The following SV2C variants were observed in gnomAD, a reference collection of about 807,000 sequenced individuals.
SV2C encodes synaptic vesicle glycoprotein 2C, also known as solute carrier family 22 member B3.
SV2C carries 49 observed loss-of-function variants against 79.7 expected under a neutral mutation model. The observed-to-expected ratio is 0.61, with a 90% CI of 0.49 to 0.78. The LOEUF is 0.78. SV2C is among the 30% of genes least tolerant of loss of function. The pLI is 0.00. For missense variants in SV2C, 833 were observed against 912.9 expected, an observed-to-expected ratio of 0.91 and a Z score of 1.13; for synonymous variants, 334 against 333.2, an observed-to-expected ratio of 1.00 and a Z score of -0.03.
At chr5:76,177,045 G>A (rs1743552745) in intron 2 of SV2C, among the ~76,000 whole-genome samples, 1 of 151,186 alleles carries the variant, frequency 6.6e-6, no homozygotes, top group Non-Finnish European at 1.5e-5. Context: ...AACCCGGGAG[G>A]CAGAGCTTGC....
chr5:76,294,707 C>T (rs1365730079), intron 8 of SV2C, among the ~76,000 whole-genome samples: 1 of 152,126 alleles, frequency 6.6e-6, no homozygotes, highest in African/African-American at 2.4e-5. Context: ...CAGTTTGAAC[C>T]AGCCACATCT....
chr5:76,072,950 T>A, the SV2C span, among the ~76,000 whole-genome samples: 6 of 152,252 alleles, frequency 3.9e-5, no homozygotes, highest in Non-Finnish European at 7.3e-5. Flanking sequence ...CTGTTGGAAT[T>A]TTTTTCTTAC....
chr5:76,079,076 T>C (rs1746935957), upstream of SV2C: 2 of 391,574 alleles, frequency 5.1e-6, no homozygotes, highest in Non-Finnish European at 1.0e-5. Flanking sequence ...GAATATGACA[T>C]AGATGAAGTG....
intron 12 of SV2C, among the ~76,000 whole-genome samples, chr5:76,340,583 T>C (rs2937736): frequency 0.65 from 98,025 of 151,834 alleles, 32,681 homozygotes; most frequent in East Asian, 0.96. Context: ...CACACTAATA[T>C]ATCCCACCAA....
chr5:76,242,551 T>G, intron 4 of SV2C: 1 of 405,366 alleles, frequency 2.5e-6, no homozygotes, highest in Non-Finnish European at 4.7e-6. Context: ...AACCACACTT[T>G]AAAAAACGCT....
At chr5:75,921,187 G>A in the SV2C span, 1 of 990,264 alleles carries the variant, frequency 1.0e-6, no homozygotes, top group Non-Finnish European at 1.6e-6. Context: ...AGTGCCCGTG[G>A]AACTTGAGCC....
At chr5:76,062,254 G>T in the SV2C span, among the ~76,000 whole-genome samples, 1 of 152,192 alleles carries the variant, frequency 6.6e-6, no homozygotes, top group South Asian at 2.1e-4. Context: ...ATATTAAGGG[G>T]TGGGGCCTTT....
At chr5:76,126,521 A>G (rs1193142531) in intron 1 of SV2C, among the ~76,000 whole-genome samples, 2 of 152,146 alleles carry the variant, frequency 1.3e-5, no homozygotes, top group African/African-American at 2.4e-5. Flanking sequence ...GTAGCCCAGC[A>G]TGCCTGACTT....
intron 4 of SV2C, among the ~76,000 whole-genome samples, chr5:76,275,470 G>A (rs1183556345): frequency 2.0e-5 from 3 of 148,750 alleles, no homozygotes; most frequent in Non-Finnish European, 4.4e-5. Flanking sequence ...CTGGGCAACA[G>A]AGCGAAAGTC....
chr5:76,069,817 T>TTC, the SV2C span, among the ~76,000 whole-genome samples: 62 of 148,028 alleles, frequency 4.2e-4, no homozygotes, highest in East Asian at 1.8e-3. Flanking sequence ...CAACCCCCGT[T>TTC]TCTCTCTCTC....
At chr5:76,273,472 A>G (rs1039676457) in intron 4 of SV2C, among the ~76,000 whole-genome samples, 2 of 152,054 alleles carry the variant, frequency 1.3e-5, no homozygotes, top group Non-Finnish European at 2.9e-5. Context: ...CACAGAAGAT[A>G]TTCCAGAAAA....
At chr5:75,956,481 G>T in the SV2C span, among the ~76,000 whole-genome samples, 1 of 151,556 alleles carries the variant, frequency 6.6e-6, no homozygotes. Context: ...CACCAGCATG[G>T]CACATGTATA....
chr5:76,126,131 T>C (rs946204008), intron 1 of SV2C, among the ~76,000 whole-genome samples: 1 of 152,134 alleles, frequency 6.6e-6, no homozygotes, highest in African/African-American at 2.4e-5. Flanking sequence ...AAAGTTACAC[T>C]GTAATAGGGA....
At chr5:76,352,513 C>T (rs947282810) in intron 12 of SV2C, among the ~76,000 whole-genome samples, 8 of 152,210 alleles carry the variant, frequency 5.3e-5, no homozygotes, top group Non-Finnish European at 7.3e-5. Context: ...TCAGCCCCCT[C>T]TTTCTCTCTC....
At chr5:76,058,649 A>T in the SV2C span, among the ~76,000 whole-genome samples, 16 of 152,176 alleles carry the variant, frequency 1.1e-4, no homozygotes, top group Non-Finnish European at 1.6e-4. Context: ...TCTTTTCATT[A>T]TTATAAAATT....
chr5:76,257,366 G>A (rs1453317073), intron 4 of SV2C, among the ~76,000 whole-genome samples: 2 of 151,322 alleles, frequency 1.3e-5, no homozygotes, highest in African/African-American at 4.9e-5. Context: ...ATGGTTGTAT[G>A]TGTTGGGGTG....
chr5:76,235,630 T>C (rs554507393), intron 4 of SV2C, among the ~76,000 whole-genome samples: 2 of 152,172 alleles, frequency 1.3e-5, no homozygotes, highest in Non-Finnish European at 2.9e-5. Flanking sequence ...AATGCTTATA[T>C]GGAAAATCCC....
chr5:76,343,421 G>A lies in SV2C; in HGVS notation c.2001-9709G>A, dbSNP rs1015286599. Among the ~76,000 whole-genome samples the A allele has an allele frequency of 3.9e-5, 6 of 152,202 alleles. 1 individual carries two copies. The highest frequency in any genetic ancestry group is 3.9e-4 in the East Asian group (2 of 5,182). On this transcript the variant is annotated intron_variant, in intron 12 of 12. Coordinates refer to the SV2C transcript ENST00000322285. ...CAAAGACTTAAACATAAACTTCACC[G>A]AAAAAATATCCAGAAGATTATGGCC...
intron 2 of SV2C, among the ~76,000 whole-genome samples, chr5:76,132,812 G>C (rs1015374667): frequency 6.6e-6 from 1 of 152,030 alleles, no homozygotes; most frequent in Non-Finnish European, 1.5e-5. Context: ...TTAGGACCCT[G>C]ATAACTTTAA....
Sources: gnomAD v4.1 joint callset for allele counts (sites outside exome capture counted in the v4.1 genomes callset) on GRCh38, gnomAD v4.1.1 for gene constraint, MANE v1.5 for transcripts, NCBI Gene and HGNC (gene_info 2026-07-23, HGNC 2026-07-21) for gene names.